The following CLOCK variants were observed in gnomAD, a reference collection of about 807,000 sequenced individuals.
The protein encoded by CLOCK is clock circadian regulator, also known as circadian locomoter output cycles protein kaput.
CLOCK carries 43 observed loss-of-function variants against 118.4 expected under a neutral mutation model. That is an observed-to-expected ratio of 0.36 (90% confidence interval 0.28 to 0.47). The LOEUF is 0.47. Ranked by LOEUF, CLOCK falls within the 20% of genes least tolerant of loss-of-function variation. CLOCK has a pLI of 1.00. For missense variants in CLOCK, 846 were observed against 999.9 expected (o/e 0.85, Z 2.08); for synonymous variants, 326 against 339.2 (o/e 0.96, Z 0.43).
At chr4:55,460,527 C>T (rs1367818651) in intron 9 of CLOCK, among the ~76,000 whole-genome samples, 2 of 152,202 alleles carry the variant, frequency 1.3e-5, no homozygotes, top group Non-Finnish European at 2.9e-5. Context: ...AAGTCCCAAA[C>T]CTAATCTGTC....
chr4:55,524,049 A>G (rs1413350881), intron 1 of CLOCK, among the ~76,000 whole-genome samples: 1 of 152,198 alleles, frequency 6.6e-6, no homozygotes, highest in African/African-American at 2.4e-5. Context: ...AAGACGTAAG[A>G]ACACATCATT....
At chr4:55,512,444 T>C (rs1374340767) in intron 1 of CLOCK, among the ~76,000 whole-genome samples, 2 of 152,158 alleles carry the variant, frequency 1.3e-5, no homozygotes, top group Non-Finnish European at 2.9e-5. Context: ...TCTCTTACTG[T>C]TAAGTTTTAA....
At chr4:55,454,034 T>C (rs1305248669) in intron 13 of CLOCK, among the ~76,000 whole-genome samples, 1 of 152,154 alleles carries the variant, frequency 6.6e-6, no homozygotes, top group Non-Finnish European at 1.5e-5. Flanking sequence ...AATTCACAGC[T>C]AGTCACTGCT....
chr4:55,448,617 T>C (rs1054067534), intron 18 of CLOCK, among the ~76,000 whole-genome samples, 162 bp downstream of exon 18: 1,805 of 136,120 alleles, frequency 0.013, 46 homozygotes, highest in African/African-American at 0.048. Context: ...TGTGTGTGTG[T>C]GTGTGTGTGT....
chr4:55,499,452 C>T (rs1021405291), intron 2 of CLOCK, among the ~76,000 whole-genome samples: 3 of 152,192 alleles, frequency 2.0e-5, no homozygotes, highest in Admixed American at 1.3e-4. Flanking sequence ...CAAAACTGTT[C>T]CACTTCAGAT....
At chr4:55,470,573 C>T in intron 8 of CLOCK, 144 bp downstream of exon 8, 1 of 609,008 alleles carries the variant, frequency 1.6e-6, no homozygotes, top group Non-Finnish European at 3.0e-6. Flanking sequence ...AAAACACATG[C>T]TGAAACAAAG....
intron 2 of CLOCK, among the ~76,000 whole-genome samples, chr4:55,502,045 C>A (rs879435344): frequency 3.3e-5 from 5 of 152,108 alleles, no homozygotes; most frequent in Non-Finnish European, 4.4e-5. Flanking sequence ...CGTAAAATAA[C>A]AAAACGCCCT....
At position 55,503,334 on chromosome 4, in the gene CLOCK, T is replaced by C. The variant is rs376219912; in HGVS notation, c.-136+6578A>G. Among the ~76,000 whole-genome samples, 11 of 152,284 alleles carry C rather than the reference T, an allele frequency of 7.2e-5. No homozygotes were observed. In the South Asian group the frequency reaches 2.3e-3, roughly 32 times the overall value. On this transcript the variant is annotated intron_variant, in intron 2 of 22. Coordinates refer to ENST00000513440, the MANE Select transcript of CLOCK (RefSeq NM_004898.4). Reference sequence around the variant, plus strand: ...ACAGAAAAGATGAACCACTGCTACATGCATCAACATGGATGAGTCATAAAC... The same window carrying C: ...ACAGAAAAGATGAACCACTGCTACACGCATCAACATGGATGAGTCATAAAC...
chr4:55,454,297 C>T (rs1182881509), intron 13 of CLOCK, among the ~76,000 whole-genome samples: 10 of 151,974 alleles, frequency 6.6e-5, no homozygotes, highest in Non-Finnish European at 1.5e-4. Context: ...AGTTCTGAAG[C>T]GTTTTAACAG....
chr4:55,481,272 A>T (rs1467375306), intron 4 of CLOCK, among the ~76,000 whole-genome samples: 1 of 152,148 alleles, frequency 6.6e-6, no homozygotes, highest in Non-Finnish European at 1.5e-5. Context: ...TAGGCCCTGA[A>T]ATTTATAAAA....
chr4:55,497,222 C>T (rs111852269), intron 2 of CLOCK, among the ~76,000 whole-genome samples: 3 of 152,242 alleles, frequency 2.0e-5, no homozygotes, highest in African/African-American at 7.2e-5. Context: ...TAGAGGCCAC[C>T]CGTATTCTTT....
intron 2 of CLOCK, among the ~76,000 whole-genome samples, chr4:55,494,285 G>T (rs1024960594): frequency 2.0e-5 from 3 of 152,116 alleles, no homozygotes; most frequent in African/African-American, 7.2e-5. Flanking sequence ...CCTGTGGTAG[G>T]CAGAATAACA....
At chr4:55,520,674 A>G (rs1169908092) in intron 1 of CLOCK, among the ~76,000 whole-genome samples, 1 of 152,188 alleles carries the variant, frequency 6.6e-6, no homozygotes, top group Non-Finnish European at 1.5e-5. Context: ...AAAGTGAGGT[A>G]ATGTTAAACT....
At chr4:55,530,032 C>T (rs910172918) in intron 1 of CLOCK, among the ~76,000 whole-genome samples, 3 of 152,120 alleles carry the variant, frequency 2.0e-5, no homozygotes, top group African/African-American at 7.2e-5. Flanking sequence ...TAGTAAGTAT[C>T]CCAAAATGGG....
intron 4 of CLOCK, among the ~76,000 whole-genome samples, chr4:55,480,930 G>A (rs1243466156): frequency 6.6e-6 from 1 of 151,716 alleles, no homozygotes; most frequent in East Asian, 1.9e-4. Context: ...TTTTTAAAGG[G>A]GTGATGTTTT....
intron 18 of CLOCK, among the ~76,000 whole-genome samples, 168 bp downstream of exon 18, chr4:55,448,611 T>C (rs398051420): frequency 0.038 from 3,127 of 81,536 alleles, 44 homozygotes; most frequent in African/African-American, 0.072. Flanking sequence ...CGTGTGTGTG[T>C]GTGTGTGTGT....
chr4:55,438,197 C>T, intron 22 of CLOCK, 85 bp downstream of exon 22: 1 of 1,474,246 alleles, frequency 6.8e-7, no homozygotes, highest in South Asian at 1.2e-5. Context: ...TTTTTCACAT[C>T]ACTCACAAAT....
chr4:55,439,405 A>C (rs1366601081), intron 21 of CLOCK, among the ~76,000 whole-genome samples: 1 of 152,170 alleles, frequency 6.6e-6, no homozygotes, highest in Non-Finnish European at 1.5e-5. Context: ...AACCTTGTGC[A>C]GTGCTGGTGG....
intron 1 of CLOCK, among the ~76,000 whole-genome samples, chr4:55,519,970 CCA>C (rs1163447056): frequency 6.6e-6 from 1 of 151,244 alleles, no homozygotes; most frequent in Non-Finnish European, 1.5e-5. Context: ...GTACAGGGAT[CCA>C]CTCTTTCCCT....
Sources: allele counts gnomAD v4.1 joint callset (sites outside exome capture counted in the v4.1 genomes callset), GRCh38; gene constraint gnomAD v4.1.1; transcripts MANE v1.5; gene names NCBI Gene and HGNC (gene_info 2026-07-23, HGNC 2026-07-21).